TENM3: variants seen among roughly 807,000 people sequenced by gnomAD.
TENM3 encodes teneurin-3.
Under a neutral mutation model 255.1 loss-of-function variants are expected in TENM3, and 63 were observed. The observed-to-expected ratio is 0.25, with a 90% CI of 0.20 to 0.30. The LOEUF (loss-of-function observed/expected upper bound fraction) is 0.30, where lower values mean the gene tolerates loss of function less well. Among genes scored for constraint, TENM3 ranks in the 10% least tolerant of loss-of-function variants. The pLI is 1.00. For synonymous variants in TENM3, 1,306 were observed against 1,322.3 expected, an observed-to-expected ratio of 0.99 and a Z score of 0.27; for missense variants, 2,929 against 3,461.1, an observed-to-expected ratio of 0.85 and a Z score of 3.86.
At chr4:181,623,441 A>G in the TENM3 span, among the ~76,000 whole-genome samples, 76,923 of 152,038 alleles carry the variant, frequency 0.51, 20,184 homozygotes, top group Non-Finnish European at 0.58. Context: ...ATGCTGAAGT[A>G]CTAAGGAGGA....
chr4:182,122,923 G>A, the TENM3 span, among the ~76,000 whole-genome samples: 1 of 152,192 alleles, frequency 6.6e-6, no homozygotes, highest in East Asian at 1.9e-4. Context: ...GCTAGATCTT[G>A]TGGATAACTT....
At chr4:181,470,123 A>AG in the TENM3 span, among the ~76,000 whole-genome samples, 19 of 149,706 alleles carry the variant, frequency 1.3e-4, no homozygotes, top group Non-Finnish European at 2.4e-4. Context: ...AAAAAAAAAA[A>AG]AACATTATTC....
intron 7 of TENM3, among the ~76,000 whole-genome samples, chr4:182,678,879 A>G (rs1266994929): frequency 1.3e-5 from 2 of 152,192 alleles, no homozygotes; most frequent in African/African-American, 4.8e-5. Context: ...CAAATACTGC[A>G]TGTTCTTGCT....
the TENM3 span, among the ~76,000 whole-genome samples, chr4:182,119,062 G>T: frequency 6.6e-6 from 1 of 152,096 alleles, no homozygotes; most frequent in African/African-American, 2.4e-5. Context: ...CTTTGGACTG[G>T]AACTGTTGTC....
intron 5 of TENM3, among the ~76,000 whole-genome samples, chr4:182,645,351 T>A (rs1334878595): frequency 1.3e-5 from 2 of 151,944 alleles, no homozygotes; most frequent in Admixed American, 6.6e-5. Context: ...TCCATCCACA[T>A]GGAATTGGAA....
At chr4:182,557,440 A>G (rs1742686613) in intron 3 of TENM3, among the ~76,000 whole-genome samples, 1 of 152,218 alleles carries the variant, frequency 6.6e-6, no homozygotes, top group Admixed American at 6.5e-5. Context: ...ACCAGGGCTC[A>G]GCTCTTAACA....
intron 3 of TENM3, among the ~76,000 whole-genome samples, chr4:182,417,130 C>T (rs181992801): frequency 0.015 from 2,300 of 152,024 alleles, 48 homozygotes; most frequent in African/African-American, 0.052. Flanking sequence ...CCTGCCACCA[C>T]GCCCAGCTAA....
At chr4:181,867,002 C>A in the TENM3 span, among the ~76,000 whole-genome samples, 3 of 152,124 alleles carry the variant, frequency 2.0e-5, no homozygotes, top group Admixed American at 2.0e-4. Flanking sequence ...GAGCCTTGGA[C>A]CACACTGATT....
At chr4:182,678,771 A>AC (rs11452404) in intron 7 of TENM3, among the ~76,000 whole-genome samples, 45,849 of 152,144 alleles carry the variant, frequency 0.3, 8,063 homozygotes, top group East Asian at 0.73. Context: ...AGAAGACTGT[A>AC]CAGGGTTATC....
chr4:181,803,335 T>A, the TENM3 span, among the ~76,000 whole-genome samples: 1 of 152,244 alleles, frequency 6.6e-6, no homozygotes, highest in Admixed American at 6.5e-5. Flanking sequence ...TACATTTATA[T>A]GTCTTTATAC....
chr4:181,596,375 A>G, the TENM3 span, among the ~76,000 whole-genome samples: 1 of 152,186 alleles, frequency 6.6e-6, no homozygotes, highest in Non-Finnish European at 1.5e-5. Context: ...GATTTTACTT[A>G]CAGATCCCAG....
chr4:181,876,442 G>C, the TENM3 span, among the ~76,000 whole-genome samples: 1 of 152,256 alleles, frequency 6.6e-6, no homozygotes, highest in South Asian at 2.1e-4. Flanking sequence ...CTTATTTTGA[G>C]AGAGTGGCAG....
the TENM3 span, among the ~76,000 whole-genome samples, chr4:181,904,029 C>T: frequency 6.6e-6 from 1 of 152,130 alleles, no homozygotes; most frequent in Non-Finnish European, 1.5e-5. Context: ...TTCAACATCT[C>T]CTCTTGGATG....
chr4:182,755,685 A>G (rs1353516631), intron 22 of TENM3, among the ~76,000 whole-genome samples: 1 of 151,894 alleles, frequency 6.6e-6, no homozygotes, highest in African/African-American at 2.4e-5. Context: ...TAAAAATACA[A>G]AAAAAATAGC....
intron 1 of TENM3, among the ~76,000 whole-genome samples, chr4:182,173,190 G>A (rs1752219435): frequency 6.6e-6 from 1 of 152,136 alleles, no homozygotes; most frequent in South Asian, 2.1e-4. Flanking sequence ...TGTTTATGAT[G>A]TGCCACACAC....
the TENM3 span, among the ~76,000 whole-genome samples, chr4:181,724,435 A>G: frequency 6.6e-6 from 1 of 151,576 alleles, no homozygotes; most frequent in Admixed American, 6.6e-5. Flanking sequence ...TCTCAATTTT[A>G]TTTTCTAATA....
Position 182,284,627 on chromosome 4 carries a change from A to G in TENM3, c.-75-39319A>G, listed in dbSNP as rs1580011578. 2.0e-5 allele frequency among the ~76,000 whole-genome samples: 3 copies of G among 152,274 alleles called. No homozygotes were observed. In the Middle Eastern group the frequency reaches 0.01, roughly 518 times the overall value. Reference sequence around the variant, plus strand: ...AGACTAACGCTGTTACGAAGCTGTCAGGAGAAGCGTGTCAGACACTAGGTG... The same window carrying G: ...AGACTAACGCTGTTACGAAGCTGTCGGGAGAAGCGTGTCAGACACTAGGTG... On this transcript the variant is annotated intron_variant, in intron 1 of 27. Coordinates refer to ENST00000511685, the MANE Select transcript of TENM3 (RefSeq NM_001080477.4).
chr4:181,470,393 G>GT, the TENM3 span, among the ~76,000 whole-genome samples: 49 of 152,176 alleles, frequency 3.2e-4, no homozygotes, highest in Admixed American at 3.0e-3. Flanking sequence ...TTTACACTAT[G>GT]TGCTTGATGA....
chr4:181,939,774 A>G, the TENM3 span, among the ~76,000 whole-genome samples: 1 of 152,224 alleles, frequency 6.6e-6, no homozygotes, highest in Admixed American at 6.5e-5. Context: ...GAGAACCCCA[A>G]GGCGGAGAGG....
Sources: gnomAD v4.1 joint callset for allele counts (sites outside exome capture counted in the v4.1 genomes callset) on GRCh38, gnomAD v4.1.1 for gene constraint, MANE v1.5 for transcripts, NCBI Gene and HGNC (gene_info 2026-07-23, HGNC 2026-07-21) for gene names.